The following CAMTA1 variants were observed in gnomAD, a reference collection of about 807,000 sequenced individuals.
CAMTA1 encodes calmodulin binding transcription activator 1.
A neutral mutation model predicts 170.9 loss-of-function variants in CAMTA1; 27 were observed. That is an observed-to-expected ratio of 0.16 (90% confidence interval 0.12 to 0.22). The LOEUF is 0.22. Ranked by LOEUF, CAMTA1 falls within the 10% of genes least tolerant of loss-of-function variation. The pLI, the probability that CAMTA1 is intolerant of heterozygous loss-of-function variation, is 1.00. For synonymous variants in CAMTA1, 833 were observed against 891.5 expected, an observed-to-expected ratio of 0.93 and a Z score of 1.17; for missense variants, 1,619 against 2,217.2, an observed-to-expected ratio of 0.73 and a Z score of 5.42.
intron 6 of CAMTA1, among the ~76,000 whole-genome samples, chr1:7,613,407 C>T (rs75524854): frequency 0.012 from 1,797 of 152,174 alleles, 22 homozygotes; most frequent in African/African-American, 0.04. Flanking sequence ...AGGAGAGGCC[C>T]AGCCTGGCCT....
chr1:7,499,318 G>A (rs1311577887), intron 6 of CAMTA1, among the ~76,000 whole-genome samples: 3 of 140,872 alleles, frequency 2.1e-5, no homozygotes, highest in Non-Finnish European at 4.6e-5. Context: ...GAGTGTGTGT[G>A]CATGTGTGTA....
intron 11 of CAMTA1, among the ~76,000 whole-genome samples, chr1:7,709,365 T>C (rs2096551935): frequency 6.6e-6 from 1 of 152,204 alleles, no homozygotes; most frequent in Admixed American, 6.5e-5. Flanking sequence ...GAAATGTGTT[T>C]CTTCAAGCCC....
At chr1:7,607,401 G>GGATT (rs113549307) in intron 6 of CAMTA1, among the ~76,000 whole-genome samples, 1 of 151,018 alleles carries the variant, frequency 6.6e-6, no homozygotes, top group African/African-American at 2.4e-5. Flanking sequence ...GTGGACTGGT[G>GGATT]GATGGATGGA....
chr1:7,403,478 G>C (rs142166110), intron 5 of CAMTA1, among the ~76,000 whole-genome samples: 1 of 152,196 alleles, frequency 6.6e-6, no homozygotes, highest in Admixed American at 6.5e-5. Context: ...TGTATGTAGC[G>C]AGATCAGAGA....
intron 6 of CAMTA1, among the ~76,000 whole-genome samples, chr1:7,601,990 G>GA (rs2095447938): frequency 8.7e-6 from 1 of 114,990 alleles, no homozygotes; most frequent in Admixed American, 8.1e-5. Context: ...GGAGACCGTG[G>GA]GGAGAGGGAG....
chr1:7,674,371 G>C lies in CAMTA1; in HGVS notation c.2780-3228G>C, dbSNP rs1195970793. Among the ~76,000 whole-genome samples the C allele has an allele frequency of 6.6e-6, 1 of 152,086 alleles. No individual in the cohort carries two copies. The highest frequency in any genetic ancestry group is 1.5e-5 in the Non-Finnish European group (1 of 67,998). The stretch of plus-strand genomic sequence containing the variant: ...AGCAGTGAGTGAGAGGAGGTGCTGG[G>C]GAAAAGAGGCGACTCAGGCTTGGGA... On this transcript the variant is annotated intron_variant, in intron 10 of 22. Coordinates refer to ENST00000303635, the MANE Select transcript of CAMTA1 (RefSeq NM_015215.4). The surrounding 1 kb of genome is among the most constrained non-coding windows in gnomAD (Gnocchi z 4.1).
intron 6 of CAMTA1, among the ~76,000 whole-genome samples, chr1:7,539,601 T>G (rs1486765527): frequency 6.6e-6 from 1 of 152,246 alleles, no homozygotes; most frequent in East Asian, 1.9e-4. Context: ...ACATGCAGCC[T>G]GATTCCTCTG....
At chr1:7,492,668 A>AACACACACAT (rs143729758) in intron 6 of CAMTA1, among the ~76,000 whole-genome samples, 2 of 54,878 alleles carry the variant, frequency 3.6e-5, no homozygotes, top group African/African-American at 2.0e-4. Context: ...CAAACATACG[A>AACACACACAT]ACACACACAC....
At chr1:7,031,336 C>G (rs1283182303) in intron 3 of CAMTA1, among the ~76,000 whole-genome samples, 1 of 152,000 alleles carries the variant, frequency 6.6e-6, no homozygotes, top group Non-Finnish European at 1.5e-5. Context: ...TGAAATGACT[C>G]TTTTTATCTG....
In CAMTA1 at chr1:7,664,199, C is replaced by T. The variant is rs1033434383; in HGVS notation, c.1652C>T (p.Ser551Phe). Residue 551 changes from serine (S) to phenylalanine (F), a missense_variant, in exon 9 of 23, where the codon TCC becomes TTC. This residue lies in a region of CAMTA1 where 731 missense variants were observed against 907.6 expected (regional missense o/e 0.81). Coordinates refer to ENST00000303635, the MANE Select transcript of CAMTA1 (RefSeq NM_015215.4). ...ATGGCCAAAGAAGCGTACTCCTCCT[C>T]CGCGGCGGCTGTGGCAGCCAGCTCC... ...QQMAKEAYSS[S>F]AAAVAASSLT... The T allele has an allele frequency of 6.2e-7, 1 of 1,612,758 alleles. No individual in the cohort carries two copies. The highest frequency in any genetic ancestry group is 8.5e-7 in the Non-Finnish European group (1 of 1,180,042).
intron 3 of CAMTA1, among the ~76,000 whole-genome samples, chr1:6,987,353 C>T (rs911082395): frequency 7.9e-5 from 12 of 152,146 alleles, no homozygotes; most frequent in Admixed American, 6.5e-5. Flanking sequence ...TTAGTAGAGA[C>T]GGAGTTTCAC....
rs559342833 is a variant in CAMTA1 at position 7,281,131 on chromosome 1, A to G, written c.438+31505A>G. 9.8e-4 allele frequency among the ~76,000 whole-genome samples: 150 copies of G among 152,342 alleles called. 1 individual carries two copies. Among genetic ancestry groups the G allele is most frequent in the Admixed American group, 1.7e-3 (26 of 15,308 alleles). ...CAGCCACTTTACCTAAACAAAGGGTACCTCTATGTCTAGTTCCCCTACTGG... is the reference window on the plus strand; with the variant it reads ...CAGCCACTTTACCTAAACAAAGGGTGCCTCTATGTCTAGTTCCCCTACTGG... On this transcript the variant is annotated intron_variant, in intron 5 of 22. Transcript: ENST00000303635.
chr1:7,448,727 G>T (rs115148968), intron 5 of CAMTA1, among the ~76,000 whole-genome samples: 1 of 152,176 alleles, frequency 6.6e-6, no homozygotes, highest in Non-Finnish European at 1.5e-5. Context: ...TCTCCCTCCA[G>T]CCTCTTTTTA....
chr1:7,347,973 G>T (rs1173735545), intron 5 of CAMTA1, among the ~76,000 whole-genome samples: 1 of 152,200 alleles, frequency 6.6e-6, no homozygotes, highest in Non-Finnish European at 1.5e-5. Flanking sequence ...GTTTTGGGGT[G>T]CCATAATTTA....
chr1:6,819,899 A>G (rs981195413), intron 1 of CAMTA1, among the ~76,000 whole-genome samples: 1 of 152,196 alleles, frequency 6.6e-6, no homozygotes, highest in African/African-American at 2.4e-5. Flanking sequence ...TGATCCAGCA[A>G]TGGCCTTTGT....
chr1:7,565,003 C>G lies in CAMTA1; in HGVS notation c.511-75397C>G, dbSNP rs2095021029. ...GAGAGGGATGAGGAAGACAGGGTGA[C>G]AACCACGAGATCAAGGTGGATGGGG... On this transcript the variant is annotated intron_variant, in intron 6 of 22. Transcript: ENST00000303635. The surrounding 1 kb of genome is among the most constrained non-coding windows in gnomAD (Gnocchi z 4.5). Among the ~76,000 whole-genome samples the G allele has an allele frequency of 6.6e-6, 1 of 151,628 alleles. No homozygotes were observed. Among genetic ancestry groups the G allele is most frequent in the Non-Finnish European group, 1.5e-5 (1 of 67,918 alleles).
chr1:7,474,970 C>T (rs984199467), intron 6 of CAMTA1, among the ~76,000 whole-genome samples: 1 of 152,178 alleles, frequency 6.6e-6, no homozygotes, highest in Admixed American at 6.5e-5. Context: ...AGTGGGACAC[C>T]CTGAAGAGTA....
intron 22 of CAMTA1, among the ~76,000 whole-genome samples, chr1:7,760,262 T>C (rs1435362933): frequency 6.6e-6 from 1 of 152,228 alleles, no homozygotes; most frequent in Admixed American, 6.5e-5. Flanking sequence ...AGTAGGGGTC[T>C]CAACAGAGCA....
In CAMTA1 at chr1:7,146,833, CAT is replaced by C. The variant is rs1646218005; in HGVS notation, c.302+55466_302+55467del. ...ACCATGTGCACACACACCACACACA[CAT>C]ATACCATGCACACACAAACACAAAG... On this transcript the variant is annotated intron_variant, in intron 4 of 22. Coordinates refer to ENST00000303635, the MANE Select transcript of CAMTA1 (RefSeq NM_015215.4). The surrounding 1 kb of genome is among the most constrained non-coding windows in gnomAD (Gnocchi z 4.3). 6.6e-6 allele frequency among the ~76,000 whole-genome samples: 1 copy of C among 151,794 alleles called. No individual in the cohort carries two copies. Among genetic ancestry groups the C allele is most frequent in the South Asian group, 2.1e-4 (1 of 4,806 alleles).
Sources: gnomAD v4.1 joint callset for allele counts (sites outside exome capture counted in the v4.1 genomes callset) on GRCh38, gnomAD v4.1.1 for gene constraint, gnomAD v4.1.1 regional missense constraint, Gnocchi (gnomAD v3.1) non-coding constraint, MANE v1.5 for transcripts, NCBI Gene and HGNC (gene_info 2026-07-23, HGNC 2026-07-21) for gene names.